ADAMTSL1: variants seen among roughly 807,000 people sequenced by gnomAD.
ADAMTSL1 encodes the protein ADAMTS-like protein 1.
A neutral mutation model predicts 201.8 loss-of-function variants in ADAMTSL1; 126 were observed. That is an observed-to-expected ratio of 0.62 (90% CI 0.54 to 0.72). ADAMTSL1 has a LOEUF of 0.72. ADAMTSL1 is among the 30% of genes least tolerant of loss of function. The probability of loss-of-function intolerance (pLI) is 0.00; values close to 1 mark genes in which losing one functional copy is unlikely to be tolerated. For missense variants in ADAMTSL1, 2,679 were observed against 2,277.8 expected (o/e 1.18, Z -3.59); for synonymous variants, 1,121 against 903.4 (o/e 1.24, Z -4.32).
intron 2 of ADAMTSL1, among the ~76,000 whole-genome samples, chr9:18,186,670 A>G (rs954446178): frequency 6.6e-6 from 1 of 152,166 alleles, no homozygotes; most frequent in Non-Finnish European, 1.5e-5. Context: ...GATCTGTAGG[A>G]TGAAAAGTTT....
intron 2 of ADAMTSL1, among the ~76,000 whole-genome samples, chr9:18,356,252 T>C (rs959076632): frequency 6.6e-6 from 1 of 152,126 alleles, no homozygotes; most frequent in Non-Finnish European, 1.5e-5. Context: ...GAGCAGAAGT[T>C]CACAGTTTGG....
At chr9:17,988,517 T>C (rs1819013935) in intron 1 of ADAMTSL1, among the ~76,000 whole-genome samples, 1 of 151,798 alleles carries the variant, frequency 6.6e-6, no homozygotes, top group African/African-American at 2.4e-5. Context: ...TTATTAGTTA[T>C]ATAATTATTT....
chr9:18,659,342 T>C (rs1289624956), intron 8 of ADAMTSL1, among the ~76,000 whole-genome samples: 2 of 152,270 alleles, frequency 1.3e-5, no homozygotes, highest in East Asian at 1.9e-4. Context: ...TGTTGGATTT[T>C]AGCTTAAAAG....
intron 1 of ADAMTSL1, among the ~76,000 whole-genome samples, chr9:18,066,234 A>G (rs114001727): frequency 0.013 from 1,999 of 152,278 alleles, 62 homozygotes; most frequent in African/African-American, 0.045. Flanking sequence ...ATGCTGCTGT[A>G]TAATAAAGAT....
chr9:18,694,278 A>C (rs191316567), intron 13 of ADAMTSL1, among the ~76,000 whole-genome samples: 2 of 152,012 alleles, frequency 1.3e-5, no homozygotes, highest in African/African-American at 4.8e-5. Flanking sequence ...GCCCCTCCCA[A>C]ATCTCATGCC....
chr9:18,529,078 T>A (rs1819277904), intron 2 of ADAMTSL1, among the ~76,000 whole-genome samples: 1 of 152,224 alleles, frequency 6.6e-6, no homozygotes, highest in Non-Finnish European at 1.5e-5. Flanking sequence ...TGGCAGGAAT[T>A]AAATCCTTGT....
chr9:18,131,852 C>G (rs139763262), intron 1 of ADAMTSL1, among the ~76,000 whole-genome samples: 1 of 152,162 alleles, frequency 6.6e-6, no homozygotes, highest in African/African-American at 2.4e-5. Flanking sequence ...CCTAAGGTTT[C>G]TTCATCTATT....
intron 1 of ADAMTSL1, among the ~76,000 whole-genome samples, chr9:18,112,384 T>C (rs1037025936): frequency 3.3e-5 from 5 of 152,096 alleles, no homozygotes; most frequent in African/African-American, 7.2e-5. Context: ...CCTGGTATGA[T>C]AACATTGAGG....
chr9:18,064,438 C>G (rs1822601643), intron 1 of ADAMTSL1, among the ~76,000 whole-genome samples: 1 of 152,098 alleles, frequency 6.6e-6, no homozygotes. Flanking sequence ...TTTAGGAGTT[C>G]TATTTCATTA....
chr9:18,233,119 T>C (rs1254695210), intron 2 of ADAMTSL1, among the ~76,000 whole-genome samples: 2 of 152,172 alleles, frequency 1.3e-5, no homozygotes, highest in African/African-American at 2.4e-5. Flanking sequence ...CCAGAAACTA[T>C]GTATGTTGCA....
At chr9:18,598,982 T>TC (rs1340837785) in intron 4 of ADAMTSL1, among the ~76,000 whole-genome samples, 3 of 152,142 alleles carry the variant, frequency 2.0e-5, no homozygotes, top group Non-Finnish European at 4.4e-5. Context: ...CTTCATACTG[T>TC]CCTCTCTGCC....
intron 2 of ADAMTSL1, among the ~76,000 whole-genome samples, chr9:18,243,067 T>G (rs1352219976): frequency 1.3e-5 from 2 of 152,124 alleles, no homozygotes; most frequent in Non-Finnish European, 2.9e-5. Context: ...ACATTACACT[T>G]TCTGATTTAA....
At chr9:17,950,266 C>T (rs1229998514) in intron 1 of ADAMTSL1, among the ~76,000 whole-genome samples, 1 of 151,926 alleles carries the variant, frequency 6.6e-6, no homozygotes, top group Non-Finnish European at 1.5e-5. Context: ...AAGGAAAAAC[C>T]ATAGTACAGT....
chr9:18,757,514 C>A (rs551812913), intron 16 of ADAMTSL1, among the ~76,000 whole-genome samples: 1 of 151,880 alleles, frequency 6.6e-6, no homozygotes, highest in Non-Finnish European at 1.5e-5. Context: ...CTTGTTCAGG[C>A]CTTCATCCCT....
intron 2 of ADAMTSL1, among the ~76,000 whole-genome samples, chr9:18,197,862 A>G (rs1321887209): frequency 2.0e-5 from 3 of 152,042 alleles, no homozygotes; most frequent in African/African-American, 4.8e-5. Flanking sequence ...AAACTATACT[A>G]CAAGGCTACA....
intron 7 of ADAMTSL1, among the ~76,000 whole-genome samples, chr9:18,647,367 T>TG (rs1416343445): frequency 3.1e-4 from 4 of 12,894 alleles, no homozygotes; most frequent in African/African-American, 1.6e-3. Context: ...TTTTGAAGGG[T>TG]TTTTTTTCCC....
At chr9:18,365,154 A>G (rs1434818024) in intron 2 of ADAMTSL1, among the ~76,000 whole-genome samples, 1 of 152,048 alleles carries the variant, frequency 6.6e-6, no homozygotes, top group Non-Finnish European at 1.5e-5. Context: ...ACCATAACCA[A>G]CCTAAATTTC....
intron 2 of ADAMTSL1, among the ~76,000 whole-genome samples, chr9:18,175,170 CA>C (rs1563785818): frequency 6.6e-6 from 1 of 152,104 alleles, no homozygotes; most frequent in Non-Finnish European, 1.5e-5. Context: ...AGACTTTAGG[CA>C]AGTCATAGAA....
In ADAMTSL1 at chr9:18,428,499, G is replaced by A. The variant is rs75548333; in HGVS notation, c.208-76330G>A. On this transcript the variant is annotated intron_variant, in intron 2 of 29. Coordinates refer to the ADAMTSL1 transcript ENST00000680146. ...GCTGGGCAAGGTAGCAGGCACCTGT[G>A]GGCCCAGCTACTCAGGAGGCTGAGA... is the stretch of plus-strand genomic sequence containing the variant. Among the ~76,000 whole-genome samples, 694 of 151,900 alleles carry A rather than the reference G, an allele frequency of 4.6e-3. 8 individuals are homozygous for A. The highest frequency in any genetic ancestry group is 0.018 in the South Asian group (87 of 4,798).
Sources: gnomAD v4.1 joint callset for allele counts (sites outside exome capture counted in the v4.1 genomes callset) on GRCh38, gnomAD v4.1.1 for gene constraint, MANE v1.5 for transcripts, NCBI Gene and HGNC (gene_info 2026-07-23, HGNC 2026-07-21) for gene names.